RUNX2: variants seen among roughly 807,000 people sequenced by gnomAD.
RUNX2 encodes RUNX family transcription factor 2, also known as runt-related transcription factor 2.
RUNX2 carries 10 observed loss-of-function variants against 51.7 expected under a neutral mutation model. That is an observed-to-expected ratio of 0.19 (90% CI 0.12 to 0.33). The LOEUF (loss-of-function observed/expected upper bound fraction) is 0.33, where lower values mean the gene tolerates loss of function less well. RUNX2 is among the 10% of genes least tolerant of loss of function. RUNX2 has a pLI of 1.00. For synonymous variants in RUNX2, 276 were observed against 273.6 expected (o/e 1.01, Z -0.09); for missense variants, 562 against 691.3 (o/e 0.81, Z 2.10).
At chr6:45,441,893 C>A (rs1393397871) in intron 5 of RUNX2, among the ~76,000 whole-genome samples, 1 of 152,200 alleles carries the variant, frequency 6.6e-6, no homozygotes, top group Non-Finnish European at 1.5e-5. Context: ...GCTTTTCACT[C>A]AAAAATCCAA....
Position 45,375,445 on chromosome 6 carries a change from G to C in RUNX2, c.58+46661G>C, listed in dbSNP as rs144556653. On this transcript the variant is annotated intron_variant, in intron 2 of 8. Coordinates refer to ENST00000647337, the MANE Select transcript of RUNX2 (RefSeq NM_001024630.4). Reference sequence around the variant, plus strand: ...GTCACCCATAAAAGCACCCCATTCTGATTTGTATATTATGAGCTATTCTCT... The same window carrying C: ...GTCACCCATAAAAGCACCCCATTCTCATTTGTATATTATGAGCTATTCTCT... Among the ~76,000 whole-genome samples, 326 of 152,240 alleles carry C rather than the reference G, an allele frequency of 2.1e-3. 1 individual carries two copies. Among genetic ancestry groups the C allele is most frequent in the African/African-American group, 7.5e-3 (311 of 41,560 alleles).
chr6:45,484,548 A>G (rs1447890835), intron 5 of RUNX2, among the ~76,000 whole-genome samples: 7 of 152,218 alleles, frequency 4.6e-5, no homozygotes, highest in Non-Finnish European at 1.0e-4. Flanking sequence ...GCAGAAAATC[A>G]AAGTTTTTAA....
At chr6:45,358,865 G>C (rs1402410763) in intron 2 of RUNX2, among the ~76,000 whole-genome samples, 8 of 152,056 alleles carry the variant, frequency 5.3e-5, no homozygotes, top group Non-Finnish European at 1.2e-4. Flanking sequence ...ATCAATTACA[G>C]CATGGATCTA....
chr6:45,423,522 G>A (rs1432471334), intron 3 of RUNX2, among the ~76,000 whole-genome samples: 1 of 152,154 alleles, frequency 6.6e-6, no homozygotes, highest in East Asian at 1.9e-4. Context: ...TCCCCGACCC[G>A]CAGAGTTCAG....
At chr6:45,518,493 T>C (rs1187120103) in intron 7 of RUNX2, among the ~76,000 whole-genome samples, 5 of 152,162 alleles carry the variant, frequency 3.3e-5, no homozygotes, top group Non-Finnish European at 5.9e-5. Context: ...AAAGAAGTGG[T>C]TTTCATTCCT....
At position 45,463,077 on chromosome 6, in the gene RUNX2, G is replaced by A. The variant is rs139463318; in HGVS notation, c.685+25026G>A. ...GTATCTGACCTGAAAGGAGCACATC[G>A]CAGGCAGTTTCTCTTTCTACCAAAT... On this transcript the variant is annotated intron_variant, in intron 5 of 8. Transcript: ENST00000647337. Among the ~76,000 whole-genome samples the A allele has an allele frequency of 2.4e-4, 37 of 152,304 alleles. No individual in the cohort carries two copies. The East Asian group carries it at 5.0e-3, about 21-fold the overall frequency.
At chr6:45,354,980 G>C (rs1792854988) in intron 2 of RUNX2, among the ~76,000 whole-genome samples, 2 of 151,994 alleles carry the variant, frequency 1.3e-5, no homozygotes, top group South Asian at 4.1e-4. Context: ...ATAGCACTTT[G>C]AGGTTTTTTT....
intron 2 of RUNX2, among the ~76,000 whole-genome samples, chr6:45,375,605 C>G (rs1008497653): frequency 6.6e-6 from 1 of 151,904 alleles, no homozygotes; most frequent in Non-Finnish European, 1.5e-5. Context: ...GAAGCCTGGC[C>G]TGACCATGAT....
intron 7 of RUNX2, among the ~76,000 whole-genome samples, chr6:45,519,893 T>G (rs1369889392): frequency 6.6e-6 from 1 of 151,420 alleles, no homozygotes; most frequent in Non-Finnish European, 1.5e-5. Flanking sequence ...AATGGCATGA[T>G]CTCGGCTCAT....
chr6:45,443,884 T>C lies in RUNX2; in HGVS notation c.685+5833T>C, dbSNP rs77519622. On this transcript the variant is annotated intron_variant, in intron 5 of 8. Transcript: ENST00000647337. ...AGAGGTTTTTTTTCAATTTTTAAAA[T>C]TTTTTTTCGAGATGGAGTGGCATGA... is the stretch of plus-strand genomic sequence containing the variant. Among the ~76,000 whole-genome samples, 1,282 of 152,166 alleles carry C rather than the reference T, an allele frequency of 8.4e-3. 9 individuals carry two copies. The highest frequency in any genetic ancestry group is 0.016 in the Admixed American group (246 of 15,280).
chr6:45,417,545 C>A (rs1798090776), intron 2 of RUNX2, among the ~76,000 whole-genome samples: 1 of 152,142 alleles, frequency 6.6e-6, no homozygotes, highest in South Asian at 2.1e-4. Context: ...ACATGCACAC[C>A]CATTCCAGTA....
At chr6:45,498,045 A>C (rs1483146998) in intron 6 of RUNX2, among the ~76,000 whole-genome samples, 2 of 152,198 alleles carry the variant, frequency 1.3e-5, no homozygotes, top group Non-Finnish European at 2.9e-5. Context: ...GATGGTAGAC[A>C]GGTGGAATAA....
At chr6:45,384,007 T>C (rs536925960) in intron 2 of RUNX2, among the ~76,000 whole-genome samples, 2 of 152,372 alleles carry the variant, frequency 1.3e-5, no homozygotes, top group South Asian at 4.1e-4. Flanking sequence ...AGCTGTATTT[T>C]CCTCTTTCCA....
chr6:45,507,572 G>A (rs779024461), intron 6 of RUNX2, among the ~76,000 whole-genome samples: 9 of 152,194 alleles, frequency 5.9e-5, no homozygotes, highest in South Asian at 2.1e-4. Flanking sequence ...TGGTGATTGC[G>A]CATTTAGGAA....
At chr6:45,533,033 C>T (rs151134030) in intron 7 of RUNX2, among the ~76,000 whole-genome samples, 271 of 151,108 alleles carry the variant, frequency 1.8e-3, no homozygotes, top group African/African-American at 6.0e-3. Flanking sequence ...AAATACAAGA[C>T]GTCTGGGAAC....
intron 2 of RUNX2, among the ~76,000 whole-genome samples, chr6:45,391,259 C>G (rs1797462931): frequency 6.6e-6 from 1 of 152,126 alleles, no homozygotes; most frequent in Non-Finnish European, 1.5e-5. Context: ...TTGGCACCAT[C>G]CCCTTGGTAA....
intron 2 of RUNX2, among the ~76,000 whole-genome samples, chr6:45,342,491 C>T (rs1790001285): frequency 6.6e-6 from 1 of 152,110 alleles, no homozygotes; most frequent in African/African-American, 2.4e-5. Context: ...GATCTTCTGA[C>T]CTCGTAATCC....
At chr6:45,333,831 A>T (rs1788005665) in intron 2 of RUNX2, among the ~76,000 whole-genome samples, 1 of 151,182 alleles carries the variant, frequency 6.6e-6, no homozygotes, top group African/African-American at 2.4e-5. Context: ...TCCAATATAC[A>T]CCCAAGGAAC....
chr6:45,453,494 A>G (rs1336809549), intron 5 of RUNX2, among the ~76,000 whole-genome samples: 1 of 152,180 alleles, frequency 6.6e-6, no homozygotes, highest in Non-Finnish European at 1.5e-5. Flanking sequence ...ATACCCACAA[A>G]AAGTGTTTGA....
Sources: gnomAD v4.1 joint callset for allele counts (sites outside exome capture counted in the v4.1 genomes callset) on GRCh38, gnomAD v4.1.1 for gene constraint, MANE v1.5 for transcripts, NCBI Gene and HGNC (gene_info 2026-07-23, HGNC 2026-07-21) for gene names.